The following USP40 variants were observed in gnomAD, a reference collection of about 807,000 sequenced individuals.
The protein encoded by USP40 is ubiquitin carboxyl-terminal hydrolase 40.
In USP40, 143 loss-of-function variants were observed where a neutral mutation model predicts 166.2. That is an observed-to-expected ratio of 0.86 (90% CI 0.75 to 0.99). The LOEUF is 0.99. Ranked by LOEUF, USP40 falls within the 50% of genes least tolerant of loss-of-function variation. The pLI, the probability that USP40 is intolerant of heterozygous loss-of-function variation, is 0.00. For missense variants in USP40, 1,444 were observed against 1,479.7 expected (o/e 0.98, Z 0.40); for synonymous variants, 498 against 524.0 (o/e 0.95, Z 0.68).
intron 19 of USP40, 28 bp downstream of exon 19, chr2:233,512,541 C>T: frequency 6.5e-7 from 1 of 1,538,110 alleles, no homozygotes; most frequent in Non-Finnish European, 8.8e-7. Flanking sequence ...GTATAAGCCA[C>T]CTTTTGAAAG....
intron 6 of USP40, among the ~76,000 whole-genome samples, chr2:233,552,363 AT>A (rs2070656860): frequency 6.6e-6 from 1 of 152,196 alleles, no homozygotes. Context: ...GAAAATCTGC[AT>A]TTATTTAGCA....
intron 10 of USP40, among the ~76,000 whole-genome samples, 192 bp from the exon 11 acceptor site, chr2:233,533,971 A>G (rs2068750373): frequency 6.6e-6 from 1 of 152,244 alleles, no homozygotes; most frequent in African/African-American, 2.4e-5. Context: ...TCTGTTAAAT[A>G]GTCTGATAGT....
intron 6 of USP40, 122 bp downstream of exon 6, chr2:233,554,258 A>G (rs2070845795): frequency 5.8e-6 from 6 of 1,031,694 alleles, no homozygotes; most frequent in Admixed American, 7.2e-5. Flanking sequence ...AAAATGATGT[A>G]AATATCTTTT....
chr2:233,550,499 A>AC lies in USP40; in HGVS notation c.837+876_837+877insG, dbSNP rs1353981232. On this transcript the variant is annotated intron_variant, in intron 7 of 31. Coordinates refer to ENST00000678225, the MANE Select transcript of USP40 (RefSeq NM_001365479.2). The stretch of plus-strand genomic sequence containing the variant: ...CCTTTGAGTGGTAATTCAAACAACA[A>AC]AAAAAAAAACCCCAAAAAGCTCAGC... Among the ~76,000 whole-genome samples, 16 of 140,230 alleles carry AC rather than the reference A, an allele frequency of 1.1e-4. No individual in the cohort carries two copies. In the East Asian group the frequency reaches 2.5e-3, roughly 22 times the overall value. The allele number at this position is 140,230 out of a possible 152,430, so 92.0% of individuals were successfully genotyped here.
chr2:233,480,810 A>T lies in USP40; in HGVS notation c.3599+393T>A, dbSNP rs139209412. Among the ~76,000 whole-genome samples, 4,190 of 152,266 alleles carry T rather than the reference A, an allele frequency of 0.028. 110 individuals carry two copies. Among genetic ancestry groups the T allele is most frequent in the Non-Finnish European group, 0.043 (2,912 of 68,002 alleles). On this transcript the variant is annotated intron_variant, in intron 31 of 31. Coordinates refer to ENST00000678225, the MANE Select transcript of USP40 (RefSeq NM_001365479.2). This position sits in a 1 kb window ranked among gnomAD's most constrained non-coding sequence, Gnocchi z 4.5. ...ACCTTGGAGAGAGCGGGAGAAGGAC[A>T]GGGAGCCCGCAGCAGGGCTGAGGTG...
At position 233,491,171 on chromosome 2, in the gene USP40, G is replaced by A. The variant is rs1277131286; in HGVS notation, c.3008C>T (p.Ser1003Phe). ...SEDATLAELKSQAMTLPPFLE... is the reference protein window; with the variant it reads ...SEDATLAELKFQAMTLPPFLE... ...TGGTGCAGGAAGAAGTCTGACCTGAGACTTCAGCTCCGCCAGCGTGGCATC... is the reference window on the plus strand; with the variant it reads ...TGGTGCAGGAAGAAGTCTGACCTGAAACTTCAGCTCCGCCAGCGTGGCATC... Residue 1003 changes from serine (S) to phenylalanine (F), a missense_variant, in exon 26 of 32, where the codon TCT (serine) becomes TTT (phenylalanine). Ser to Phe is a radical substitution (Grantham distance 155, BLOSUM62 -2). Transcript: ENST00000678225. 2 of 1,605,574 alleles carry A rather than the reference G, an allele frequency of 1.2e-6. No individual in the cohort carries two copies. The highest frequency in any genetic ancestry group is 1.3e-5 in the African/African-American group (1 of 74,806).
chr2:233,545,422 G>A (rs2069820629), intron 8 of USP40: 1 of 152,232 alleles, frequency 6.6e-6, no homozygotes, highest in Non-Finnish European at 1.5e-5. Context: ...TCCAGTCATA[G>A]AGCTGCCAAT....
At chr2:233,501,940 G>A (rs954014617) in intron 21 of USP40, among the ~76,000 whole-genome samples, 1 of 152,188 alleles carries the variant, frequency 6.6e-6, no homozygotes, top group Non-Finnish European at 1.5e-5. Flanking sequence ...AGAAGGGTAG[G>A]CCAGTGGGAT....
intron 5 of USP40, 96 bp from the exon 6 acceptor site, chr2:233,554,622 T>C: frequency 1.0e-6 from 1 of 995,718 alleles, no homozygotes; most frequent in Non-Finnish European, 1.4e-6. Flanking sequence ...CAGATATATG[T>C]TTTCTAAAAC....
Position 233,565,370 on chromosome 2 carries a change from G to A in USP40, c.185C>T (p.Thr62Ile). The A allele has an allele frequency of 6.5e-7, 1 of 1,536,726 alleles. No individual in the cohort carries two copies. The highest frequency in any genetic ancestry group is 2.4e-5 in the East Asian group (1 of 41,030). Residue 62 changes from threonine (T) to isoleucine (I), a missense_variant, in exon 2 of 32, where the codon ACA becomes ATA. By Grantham distance (89) the Thr-to-Ile change is moderately conservative. Coordinates refer to ENST00000678225, the MANE Select transcript of USP40 (RefSeq NM_001365479.2). ...ACATAGCATACCTCTGAATTCAGGT[G>A]TGAAATGAAGAGTCTGAAGAAGGGA... is the stretch of plus-strand genomic sequence containing the variant. ...LNSLLQTLHF[T>I]PEFREALFSL...
intron 8 of USP40, chr2:233,546,980 A>G (rs1391232328): frequency 6.6e-6 from 1 of 152,218 alleles, no homozygotes; most frequent in Non-Finnish European, 1.5e-5. Context: ...GTGCCCGGCA[A>G]GCTGGTATCT....
At chr2:233,564,286 T>G (rs137924222) in intron 2 of USP40, among the ~76,000 whole-genome samples, 1 of 152,196 alleles carries the variant, frequency 6.6e-6, no homozygotes, top group East Asian at 1.9e-4. Flanking sequence ...GCAAACCAGA[T>G]AGGATGAGTC....
chr2:233,536,702 T>C (rs993290589), intron 10 of USP40, among the ~76,000 whole-genome samples: 1 of 152,102 alleles, frequency 6.6e-6, no homozygotes, highest in Non-Finnish European at 1.5e-5. Context: ...AGAGGACATA[T>C]CAAATGGTCG....
intron 22 of USP40, among the ~76,000 whole-genome samples, chr2:233,499,055 A>G (rs1201877239): frequency 6.6e-6 from 1 of 152,150 alleles, no homozygotes; most frequent in African/African-American, 2.4e-5. Flanking sequence ...TTACACAGGT[A>G]AACGTGTGCC....
At position 233,524,578 on chromosome 2, in the gene USP40, C is replaced by A. The variant is rs371631269; in HGVS notation, c.1811-16G>T. On this transcript the variant is annotated splice_polypyrimidine_tract_variant and intron_variant, in intron 14 of 31. Transcript: ENST00000678225. Reference sequence around the variant, plus strand: ...AGTTCATCCCCTAGAAAGAGATCACCAGTGAGACCATTCATCATGACCATC... The same window carrying A: ...AGTTCATCCCCTAGAAAGAGATCACAAGTGAGACCATTCATCATGACCATC... 102 of 1,569,636 alleles carry A rather than the reference C, an allele frequency of 6.5e-5. 2 individuals are homozygous for A. Among genetic ancestry groups the A allele is most frequent in the South Asian group, 5.3e-4 (45 of 84,332 alleles).
Position 233,485,930 on chromosome 2 carries a change from C to A in USP40, c.3245G>T (p.Arg1082Met). The change falls in exon 29 of 32, where the codon AGG (arginine) becomes ATG (methionine). Residue 1082 changes from arginine to methionine, a missense_variant. By Grantham distance (91) the Arg-to-Met change is moderately conservative. Coordinates refer to ENST00000678225, the MANE Select transcript of USP40 (RefSeq NM_001365479.2). The stretch of plus-strand genomic sequence containing the variant: ...CAGGTCCAGGGCAGGGGCATAGGTC[C>A]TCTCACCAGGGATGCGCACCTGTGT... The part of the protein sequence containing the change: ...LRTQVRIPGE[R>M]TYAPALDLVW... 3 of 1,597,970 alleles carry A rather than the reference C, an allele frequency of 1.9e-6. No homozygotes were observed. Among genetic ancestry groups the A allele is most frequent in the Non-Finnish European group, 1.7e-6 (2 of 1,173,316 alleles).
chr2:233,556,499 ATTATCTATTT>A (rs2071111314), intron 5 of USP40: 1 of 156,246 alleles, frequency 6.4e-6, no homozygotes, highest in South Asian at 2.0e-4. Flanking sequence ...GGTCCTCAGT[ATTATCTATTT>A]TTATTACCTC....
chr2:233,549,048 T>C (rs918631220), intron 8 of USP40, 53 bp downstream of exon 8: 11 of 1,509,826 alleles, frequency 7.3e-6, no homozygotes, highest in African/African-American at 1.4e-5. Flanking sequence ...AACAAAATAA[T>C]AGGAATAGAA....
At chr2:233,557,399 A>T (rs559892129) in intron 4 of USP40, among the ~76,000 whole-genome samples, 17 of 152,394 alleles carry the variant, frequency 1.1e-4, no homozygotes, top group African/African-American at 4.1e-4. Flanking sequence ...AGATCAGAGC[A>T]CATGTGAATA....
Sources: gnomAD v4.1 joint callset for allele counts (sites outside exome capture counted in the v4.1 genomes callset) on GRCh38, gnomAD v4.1.1 for gene constraint, Gnocchi (gnomAD v3.1) non-coding constraint, MANE v1.5 for transcripts, NCBI Gene and HGNC (gene_info 2026-07-23, HGNC 2026-07-21) for gene names.